The following TNFRSF10B variants were observed in gnomAD, a reference collection of about 807,000 sequenced individuals.
TNFRSF10B encodes tumor necrosis factor receptor superfamily member 10B.
A neutral mutation model predicts 41.4 loss-of-function variants in TNFRSF10B; 35 were observed. The ratio of observed to expected loss-of-function variants is 0.85; its 90% CI spans 0.65 to 1.12. The LOEUF (loss-of-function observed/expected upper bound fraction) is 1.12, where lower values mean the gene tolerates loss of function less well. Ranked by LOEUF, TNFRSF10B falls within the 50% of genes most tolerant of loss-of-function variation. TNFRSF10B has a pLI of 0.00. For synonymous variants in TNFRSF10B, 230 were observed against 215.5 expected (o/e 1.07, Z -0.59); for missense variants, 584 against 552.7 (o/e 1.06, Z -0.57).
intron 1 of TNFRSF10B, among the ~76,000 whole-genome samples, chr8:23,067,717 G>C (rs1813033363): frequency 6.6e-6 from 1 of 152,182 alleles, no homozygotes. Flanking sequence ...CATGAGGTGT[G>C]TAACAATATC....
chr8:23,023,642 G>C (rs972426516), intron 8 of TNFRSF10B, among the ~76,000 whole-genome samples: 34 of 152,178 alleles, frequency 2.2e-4, no homozygotes, highest in African/African-American at 7.7e-4. Context: ...TTTTCCAACA[G>C]CCTTATTTTA....
intron 6 of TNFRSF10B, 121 bp downstream of exon 6, chr8:23,027,601 G>A (rs1311006425): frequency 5.6e-6 from 8 of 1,417,710 alleles, no homozygotes; most frequent in African/African-American, 1.4e-5. Flanking sequence ...AGAGCACCCA[G>A]GCCACTTCAG....
chr8:23,066,920 AAAACAT>A (rs1368406550), intron 1 of TNFRSF10B, among the ~76,000 whole-genome samples: 1 of 150,254 alleles, frequency 6.7e-6, no homozygotes, highest in Non-Finnish European at 1.5e-5. Context: ...CAAACAAACA[AAAACAT>A]AAACTCTAAA....
rs1319711833 is a variant in TNFRSF10B, at chr8:23,021,730, G to T, written c.*941C>A. 2.2e-6 allele frequency: 1 copy of T among 454,110 alleles called. No individual in the cohort carries two copies. The highest frequency in any genetic ancestry group is 4.4e-6 in the Non-Finnish European group (1 of 226,794). 28.1% of individuals were successfully genotyped at this position (454,110 alleles called of 1,614,324 possible). On this transcript the variant is annotated 3_prime_UTR_variant, in exon 9 of 9. Transcript: ENST00000276431. ...TAAATAATACTCATATACTTGTAAGGTTGTCCAGTTCAAAAGACTGGCCCC... is the reference window on the plus strand; with the variant it reads ...TAAATAATACTCATATACTTGTAAGTTTGTCCAGTTCAAAAGACTGGCCCC...
rs748421930 is a variant in TNFRSF10B, at chr8:23,020,593, G to A, written c.*2078C>T. The stretch of plus-strand genomic sequence containing the variant: ...TGCAATCCCAGCTACTCCGGAGGCT[G>A]AGGCACGAGAATCGCTTGAACCCAG... On this transcript the variant is annotated 3_prime_UTR_variant, in exon 9 of 9. Transcript: ENST00000276431. 1 of 449,990 alleles carries A rather than the reference G, an allele frequency of 2.2e-6. No individual in the cohort carries two copies. Among genetic ancestry groups the A allele is most frequent in the South Asian group, 1.6e-5 (1 of 64,286 alleles). 27.9% of individuals were successfully genotyped at this position (449,990 alleles called of 1,614,324 possible).
intron 2 of TNFRSF10B, among the ~76,000 whole-genome samples, chr8:23,036,192 C>G (rs1210394999): frequency 6.6e-6 from 1 of 152,200 alleles, no homozygotes; most frequent in Non-Finnish European, 1.5e-5. Context: ...GACCTGACTG[C>G]TCATCGTGAA....
At chr8:23,051,127 T>C (rs1025976640) in intron 1 of TNFRSF10B, among the ~76,000 whole-genome samples, 3 of 152,176 alleles carry the variant, frequency 2.0e-5, no homozygotes, top group Non-Finnish European at 4.4e-5. Context: ...AATACACTTA[T>C]GTATTTGTCT....
rs143198270 is a variant in TNFRSF10B, at chr8:23,048,982, A to G, written c.145-5739T>C. Reference sequence around the variant, plus strand: ...CTTGAAAGACATTTCTCCAAAGAAGATAAGCAAATGGCCCATAAGCACATG... The same window carrying G: ...CTTGAAAGACATTTCTCCAAAGAAGGTAAGCAAATGGCCCATAAGCACATG... On this transcript the variant is annotated intron_variant, in intron 1 of 8. Coordinates refer to ENST00000276431, the MANE Select transcript of TNFRSF10B (RefSeq NM_003842.5). Among the ~76,000 whole-genome samples, 1,155 of 152,340 alleles carry G rather than the reference A, an allele frequency of 7.6e-3. 17 individuals are homozygous for G. Among genetic ancestry groups the G allele is most frequent in the African/African-American group, 0.026 (1,089 of 41,568 alleles).
intron 1 of TNFRSF10B, among the ~76,000 whole-genome samples, chr8:23,056,934 G>A (rs1230783866): frequency 6.6e-6 from 1 of 151,950 alleles, no homozygotes; most frequent in Non-Finnish European, 1.5e-5. Context: ...GCTATAAAAT[G>A]AGTGAGGGTA....
intron 1 of TNFRSF10B, among the ~76,000 whole-genome samples, chr8:23,054,284 T>C (rs559936171): frequency 6.6e-6 from 1 of 152,348 alleles, no homozygotes; most frequent in East Asian, 1.9e-4. Flanking sequence ...TGAAGTGATC[T>C]TTTTGACTTT....
intron 2 of TNFRSF10B, among the ~76,000 whole-genome samples, chr8:23,031,998 C>G (rs1811898783): frequency 6.6e-6 from 1 of 151,354 alleles, no homozygotes; most frequent in Non-Finnish European, 1.5e-5. Flanking sequence ...CCTCTGCCTC[C>G]TGGGTTCAAG....
Position 23,068,919 on chromosome 8 carries a change from C to A in TNFRSF10B, c.-25G>T, listed in dbSNP as rs770428803. On this transcript the variant is annotated 5_prime_UTR_variant, in exon 1 of 9. Coordinates refer to ENST00000276431, the MANE Select transcript of TNFRSF10B (RefSeq NM_003842.5). ...TGGCGGTAGGGAACGCTCTTATAGT[C>A]TCTCAGGCCCGTGGGTTTCAGCCCT... The A allele has an allele frequency of 6.2e-7, 1 of 1,613,212 alleles. No homozygotes were observed. Among genetic ancestry groups the A allele is most frequent in the East Asian group, 2.2e-5 (1 of 44,880 alleles).
rs751303236 is a variant in TNFRSF10B, at chr8:23,028,419, A to C, written c.660T>G (p.Val220=). The C allele has an allele frequency of 4.3e-6, 7 of 1,614,078 alleles. No individual in the cohort carries two copies. In the East Asian group the frequency reaches 1.3e-4, roughly 31 times the overall value. ...CAGCCACAATCAAGACTACGGCTGC[A>C]ACTGTGACTCCTATGATGATGCCTG... ...SLSGIIIGVT[V]AAVVLIVAVF... Residue 220 remains valine, a synonymous_variant, in exon 5 of 9, where the codon GTT becomes GTG. Coordinates refer to ENST00000276431, the MANE Select transcript of TNFRSF10B (RefSeq NM_003842.5).
At chr8:23,031,656 A>G (rs1011061518) in intron 2 of TNFRSF10B, among the ~76,000 whole-genome samples, 6 of 152,022 alleles carry the variant, frequency 3.9e-5, no homozygotes, top group Non-Finnish European at 5.9e-5. Context: ...TGGACTCCCA[A>G]GGTGCTAGGA....
At chr8:23,024,371 T>A in intron 7 of TNFRSF10B, 111 bp from the exon 8 acceptor site, 5 of 1,218,422 alleles carry the variant, frequency 4.1e-6, no homozygotes, top group Non-Finnish European at 6.0e-6. Context: ...TTCCAGAACA[T>A]TGTTCTGAAA....
At chr8:23,024,466 A>G (rs534140510) in intron 7 of TNFRSF10B, among the ~76,000 whole-genome samples, 3 of 152,182 alleles carry the variant, frequency 2.0e-5, no homozygotes, top group South Asian at 2.1e-4. Context: ...TTAGGAGTGT[A>G]TATTTTTAAA....
chr8:23,043,821 A>G (rs933943158), intron 1 of TNFRSF10B, among the ~76,000 whole-genome samples: 16 of 152,364 alleles, frequency 1.1e-4, no homozygotes, highest in African/African-American at 3.6e-4. Flanking sequence ...GCAAAGGGTC[A>G]TTAGGCAATT....
At position 23,022,097 on chromosome 8, in the gene TNFRSF10B, C is replaced by T. The variant is rs1811544393; in HGVS notation, c.*574G>A. 1 of 422,406 alleles carries T rather than the reference C, an allele frequency of 2.4e-6. No individual in the cohort carries two copies. Among genetic ancestry groups the T allele is most frequent in the Admixed American group, 2.8e-5 (1 of 35,906 alleles). The allele number at this position is 422,406 out of a possible 1,614,324, so 26.2% of individuals were successfully genotyped here. A position where few individuals can be genotyped will look rare whatever the true frequency, so the allele number is the denominator to read the frequency against. Reference sequence around the variant, plus strand: ...AACATAGAGAGCCCCTATATCTAGACAAAATACAAAAAATTAGCCGGGCGT... The same window carrying T: ...AACATAGAGAGCCCCTATATCTAGATAAAATACAAAAAATTAGCCGGGCGT... On this transcript the variant is annotated 3_prime_UTR_variant, in exon 9 of 9. Coordinates refer to ENST00000276431, the MANE Select transcript of TNFRSF10B (RefSeq NM_003842.5).
intron 1 of TNFRSF10B, among the ~76,000 whole-genome samples, chr8:23,052,819 G>C (rs1812563434): frequency 6.6e-6 from 1 of 152,288 alleles, no homozygotes; most frequent in Non-Finnish European, 1.5e-5. Flanking sequence ...GACTTAAAAA[G>C]TGTTCAATTT....
Sources: gnomAD v4.1 joint callset for allele counts (sites outside exome capture counted in the v4.1 genomes callset) on GRCh38, gnomAD v4.1.1 for gene constraint, MANE v1.5 for transcripts, NCBI Gene and HGNC (gene_info 2026-07-23, HGNC 2026-07-21) for gene names.